The following BIN3 variants were observed in gnomAD, a reference collection of about 807,000 sequenced individuals.
BIN3 encodes bridging integrator 3.
In BIN3, 41 loss-of-function variants were observed where a neutral mutation model predicts 38.2. The ratio of observed to expected loss-of-function variants is 1.07; its 90% CI spans 0.84 to 1.39. The LOEUF (loss-of-function observed/expected upper bound fraction) is 1.39, where lower values mean the gene tolerates loss of function less well. Ranked by LOEUF, BIN3 falls within the 40% of genes most tolerant of loss-of-function variation. The pLI, the probability that BIN3 is intolerant of heterozygous loss-of-function variation, is 0.00. For missense variants in BIN3, 361 were observed against 324.3 expected (o/e 1.11, Z -0.87); for synonymous variants, 145 against 122.6 (o/e 1.18, Z -1.21).
Position 22,623,899 on chromosome 8 carries a change from C to T in BIN3, c.615+16G>A, listed in dbSNP as rs757070444. The T allele has an allele frequency of 1.9e-6, 3 of 1,609,612 alleles. No individual in the cohort carries two copies. Among genetic ancestry groups the T allele is most frequent in the Middle Eastern group, 1.7e-4 (1 of 5,924 alleles). Reference sequence around the variant, plus strand: ...GTGTATACCAAGCCCAGGGGAAGAGCACCTGGCGGCCTCACCTGAGCTCGG... The same window carrying T: ...GTGTATACCAAGCCCAGGGGAAGAGTACCTGGCGGCCTCACCTGAGCTCGG... On this transcript the variant is annotated intron_variant, in intron 8 of 8. Coordinates refer to ENST00000276416, the MANE Select transcript of BIN3 (RefSeq NM_018688.6).
At chr8:22,655,738 T>C (rs191911023) in intron 1 of BIN3, among the ~76,000 whole-genome samples, 1 of 152,238 alleles carries the variant, frequency 6.6e-6, no homozygotes, top group Non-Finnish European at 1.5e-5. Flanking sequence ...TTTTGACTAT[T>C]GTGTGTCCCT....
chr8:22,626,930 G>C (rs1015925629), intron 6 of BIN3, among the ~76,000 whole-genome samples: 9 of 152,322 alleles, frequency 5.9e-5, no homozygotes, highest in South Asian at 2.1e-4. Context: ...AGTGCCGAGC[G>C]GGGGTGAGGG....
intron 1 of BIN3, among the ~76,000 whole-genome samples, chr8:22,657,538 G>T (rs1317991633): frequency 1.3e-5 from 2 of 152,242 alleles, no homozygotes; most frequent in Non-Finnish European, 2.9e-5. Flanking sequence ...GAGCCCAAGA[G>T]GATATATGAA....
At chr8:22,645,928 C>T (rs1024638844) in intron 1 of BIN3, among the ~76,000 whole-genome samples, 29 of 152,162 alleles carry the variant, frequency 1.9e-4, no homozygotes, top group Non-Finnish European at 7.3e-5. Context: ...CCCAAGTCTG[C>T]CTTGGACTTG....
chr8:22,655,871 GTTATT>G (rs1208027591), intron 1 of BIN3, among the ~76,000 whole-genome samples: 1 of 152,146 alleles, frequency 6.6e-6, no homozygotes, highest in Non-Finnish European at 1.5e-5. Context: ...CCTTTGAAAA[GTTATT>G]TTATCAGCAT....
chr8:22,630,270 GA>G (rs1802149149), intron 5 of BIN3, among the ~76,000 whole-genome samples, 171 bp downstream of exon 5: 2 of 152,326 alleles, frequency 1.3e-5, no homozygotes, highest in Admixed American at 1.3e-4. Context: ...AGCCAAGGCA[GA>G]ACAGTCTGGA....
chr8:22,647,322 G>A (rs1044861043), intron 1 of BIN3, among the ~76,000 whole-genome samples: 5 of 152,048 alleles, frequency 3.3e-5, no homozygotes, highest in Non-Finnish European at 7.4e-5. Flanking sequence ...TTAGTATCAC[G>A]GTATTTTTAG....
intron 1 of BIN3, among the ~76,000 whole-genome samples, chr8:22,662,540 C>T (rs1386811470): frequency 6.6e-6 from 1 of 152,174 alleles, no homozygotes. Context: ...TTTACAGCTG[C>T]CCCTTCTGTT....
At chr8:22,654,388 G>A (rs1234360714) in intron 1 of BIN3, among the ~76,000 whole-genome samples, 2 of 152,032 alleles carry the variant, frequency 1.3e-5, no homozygotes, top group Non-Finnish European at 2.9e-5. Flanking sequence ...TGTACAATTT[G>A]GGGTTTTTAG....
chr8:22,655,335 T>C (rs1803022682), intron 1 of BIN3, among the ~76,000 whole-genome samples: 1 of 152,224 alleles, frequency 6.6e-6, no homozygotes, highest in Admixed American at 6.5e-5. Flanking sequence ...TGGTGTCATA[T>C]GTAAGAATCC....
At chr8:22,634,531 A>T in intron 4 of BIN3, 2 of 455,644 alleles carry the variant, frequency 4.4e-6, no homozygotes, top group Non-Finnish European at 8.8e-6. Context: ...AGGAGCTGGC[A>T]TAAAATGGGA....
chr8:22,665,092 G>A (rs1295662272), intron 1 of BIN3, among the ~76,000 whole-genome samples: 1 of 152,210 alleles, frequency 6.6e-6, no homozygotes, highest in Non-Finnish European at 1.5e-5. Context: ...GGATGCAGAA[G>A]TGCTACAGGA....
At chr8:22,634,419 A>T (rs1802302551) in intron 4 of BIN3, 1 of 452,858 alleles carries the variant, frequency 2.2e-6, no homozygotes, top group South Asian at 1.6e-5. Context: ...TCACCCGGGC[A>T]TGGTGGTGGT....
chr8:22,637,568 CTT>C (rs1362212792), intron 2 of BIN3, among the ~76,000 whole-genome samples: 2 of 152,218 alleles, frequency 1.3e-5, no homozygotes, highest in African/African-American at 4.8e-5. Context: ...TATCAACTCT[CTT>C]GAGAGCCAGC....
intron 4 of BIN3, chr8:22,634,435 C>A: frequency 2.2e-6 from 1 of 451,530 alleles, no homozygotes; most frequent in Admixed American, 2.4e-5. Context: ...GTGGTGACGG[C>A]GGCTCCCAGG....
rs569446841 is a variant in BIN3, at chr8:22,620,602, C to T, written c.*820G>A. The T allele has an allele frequency of 6.6e-6, 1 of 152,278 alleles. No individual in the cohort carries two copies. The highest frequency in any genetic ancestry group is 2.4e-5 in the African/African-American group (1 of 41,546). The allele number at this position is 152,278 out of a possible 1,614,324, so 9.4% of individuals were successfully genotyped here. ...GGCCAGGGCCGGGGAGGTGCGCACA[C>T]ACCCCTGGCATGCTGGGCTGCCTGC... On this transcript the variant is annotated 3_prime_UTR_variant, in exon 9 of 9. Transcript: ENST00000276416.
intron 8 of BIN3, among the ~76,000 whole-genome samples, chr8:22,623,475 C>T (rs1362587207): frequency 1.3e-5 from 2 of 152,154 alleles, no homozygotes; most frequent in African/African-American, 2.4e-5. Context: ...GGACTCCCGC[C>T]GTTTCCTGCT....
chr8:22,647,854 T>C (rs747862103), intron 1 of BIN3, among the ~76,000 whole-genome samples: 15 of 152,018 alleles, frequency 9.9e-5, no homozygotes, highest in Non-Finnish European at 8.8e-5. Flanking sequence ...AGGCCGGGCG[T>C]GGTGGCTCAC....
intron 1 of BIN3, among the ~76,000 whole-genome samples, chr8:22,667,285 G>A (rs904667791): frequency 2.0e-5 from 3 of 152,052 alleles, no homozygotes; most frequent in Non-Finnish European, 4.4e-5. Flanking sequence ...TAACCTTTAA[G>A]GAATGGGCTA....
Sources: allele counts gnomAD v4.1 joint callset (sites outside exome capture counted in the v4.1 genomes callset), GRCh38; gene constraint gnomAD v4.1.1; transcripts MANE v1.5; gene names NCBI Gene and HGNC (gene_info 2026-07-23, HGNC 2026-07-21).